Variants in CSMD2 observed in about 807,000 individuals in gnomAD.
The protein encoded by CSMD2 is CUB and Sushi multiple domains 2.
In CSMD2, 130 loss-of-function variants were observed where a neutral mutation model predicts 398.5. That is an observed-to-expected ratio of 0.33 (90% CI 0.28 to 0.38). The LOEUF is 0.38. CSMD2 is among the 10% of genes least tolerant of loss of function. The pLI is 1.00. For synonymous variants in CSMD2, 1,828 were observed against 1,908.5 expected, an observed-to-expected ratio of 0.96 and a Z score of 1.10; for missense variants, 3,829 against 4,764.9, an observed-to-expected ratio of 0.80 and a Z score of 5.78.
rs569912845 is a variant in CSMD2 at position 33,897,629 on chromosome 1, C to T, written c.920+20465G>A. On this transcript the variant is annotated intron_variant, in intron 5 of 70. Coordinates refer to ENST00000373381, the MANE Select transcript of CSMD2 (RefSeq NM_001281956.2). ...CGTGGGGAGCAACTGAGGACACAGCCGGGTGACAACAGAGCCAGGAGTCTC... is the reference window on the plus strand; with the variant it reads ...CGTGGGGAGCAACTGAGGACACAGCTGGGTGACAACAGAGCCAGGAGTCTC... 1.7e-4 allele frequency among the ~76,000 whole-genome samples: 26 copies of T among 152,274 alleles called. No individual in the cohort carries two copies. The South Asian group carries it at 4.8e-3, about 28-fold the overall frequency.
At chr1:33,770,234 A>G (rs1027318068) in intron 13 of CSMD2, among the ~76,000 whole-genome samples, 1 of 152,256 alleles carries the variant, frequency 6.6e-6, no homozygotes, top group Non-Finnish European at 1.5e-5. Flanking sequence ...CCTATTGGAT[A>G]GGTCAGTACA....
intron 10 of CSMD2, chr1:33,804,899 C>A (rs766825738): frequency 8.4e-6 from 6 of 717,326 alleles, no homozygotes; most frequent in Non-Finnish European, 2.6e-6. Context: ...CTCCTCCCGC[C>A]TGGATCAGGA....
intron 28 of CSMD2, among the ~76,000 whole-genome samples, chr1:33,652,041 CCT>C (rs1643784117): frequency 6.6e-6 from 1 of 152,080 alleles, no homozygotes; most frequent in Non-Finnish European, 1.5e-5. Context: ...ACAAAGGCCT[CCT>C]TTCCAGGTCC....
chr1:33,918,682 T>G (rs541297901), intron 4 of CSMD2, among the ~76,000 whole-genome samples: 129 of 152,278 alleles, frequency 8.5e-4, no homozygotes, highest in African/African-American at 2.9e-3. Flanking sequence ...AGTAATGGCA[T>G]GTAGGAGAAG....
chr1:33,541,410 C>T (rs2148596230), intron 58 of CSMD2, 101 bp from the exon 59 acceptor site: 1 of 881,450 alleles, frequency 1.1e-6, no homozygotes, highest in South Asian at 1.5e-5. Flanking sequence ...AGAAGGGAAA[C>T]TGTCAGATCA....
chr1:33,944,439 G>C (rs777395053), intron 3 of CSMD2, among the ~76,000 whole-genome samples: 18 of 152,140 alleles, frequency 1.2e-4, no homozygotes, highest in Non-Finnish European at 2.2e-4. Context: ...TGGCCCTGGG[G>C]ACAGGTGGGC....
At chr1:33,691,023 A>T (rs1471044310) in intron 25 of CSMD2, among the ~76,000 whole-genome samples, 1 of 152,208 alleles carries the variant, frequency 6.6e-6, no homozygotes, top group African/African-American at 2.4e-5. Flanking sequence ...TGACATTTGC[A>T]CTTGACTTTG....
intron 1 of CSMD2, among the ~76,000 whole-genome samples, chr1:34,089,593 C>T (rs1281974072): frequency 6.6e-6 from 1 of 152,224 alleles, no homozygotes; most frequent in African/African-American, 2.4e-5. Context: ...AATTCCTCTC[C>T]CTCACTCTCC....
rs1341721603 is a variant in CSMD2, at chr1:33,533,316, T to C, written c.9992-87A>G. On this transcript the variant is annotated intron_variant, in intron 63 of 70. Coordinates refer to ENST00000373381, the MANE Select transcript of CSMD2 (RefSeq NM_001281956.2). The surrounding 1 kb of genome is among the most constrained non-coding windows in gnomAD (Gnocchi z 4.2). ...ACCATTCCCCTGTTCCTAGATAGAA[T>C]ATCCTCTTCCTTTCCCTTCCAGTCC... is the stretch of plus-strand genomic sequence containing the variant. 1.7e-6 allele frequency: 2 copies of C among 1,188,122 alleles called. No homozygotes were observed. Among genetic ancestry groups the C allele is most frequent in the East Asian group, 2.5e-5 (1 of 39,970 alleles). 73.6% of individuals were successfully genotyped at this position (1,188,122 alleles called of 1,614,324 possible). A position where few individuals can be genotyped will look rare whatever the true frequency, so the allele number is the denominator to read the frequency against.
intron 1 of CSMD2, among the ~76,000 whole-genome samples, chr1:34,147,789 G>A (rs114170932): frequency 0.029 from 4,479 of 152,250 alleles, 101 homozygotes; most frequent in African/African-American, 0.055. Flanking sequence ...ACGTCCCTGC[G>A]TAACACAGGG....
chr1:33,660,672 C>T (rs1644101056), intron 26 of CSMD2, among the ~76,000 whole-genome samples: 3 of 152,218 alleles, frequency 2.0e-5, no homozygotes, highest in Admixed American at 2.0e-4. Flanking sequence ...GGAGCCCAGG[C>T]TAGGTAGCTT....
At chr1:33,832,261 A>C (rs1335208325) in intron 6 of CSMD2, among the ~76,000 whole-genome samples, 1 of 152,086 alleles carries the variant, frequency 6.6e-6, no homozygotes, top group Non-Finnish European at 1.5e-5. Flanking sequence ...CATAGTTGGA[A>C]GTAAAGCACT....
intron 62 of CSMD2, among the ~76,000 whole-genome samples, chr1:33,536,406 G>A (rs1655789558): frequency 6.6e-6 from 1 of 152,170 alleles, no homozygotes; most frequent in South Asian, 2.1e-4. Context: ...TGTATTTTTA[G>A]TAGAGACGGG....
intron 1 of CSMD2, among the ~76,000 whole-genome samples, chr1:34,125,896 G>C (rs895491783): frequency 2.0e-5 from 3 of 152,290 alleles, no homozygotes; most frequent in Admixed American, 6.5e-5. Flanking sequence ...GGGCTTTTGA[G>C]GGGGAGATCT....
chr1:34,057,433 G>T (rs1251066855), intron 2 of CSMD2, among the ~76,000 whole-genome samples: 1 of 152,098 alleles, frequency 6.6e-6, no homozygotes, highest in Admixed American at 6.6e-5. Context: ...TTTAGAGTGG[G>T]AGGCTCCTGG....
intron 7 of CSMD2, among the ~76,000 whole-genome samples, chr1:33,822,493 G>A (rs925090152): frequency 1.3e-5 from 2 of 152,150 alleles, no homozygotes; most frequent in African/African-American, 4.8e-5. Context: ...GCCAGACACA[G>A]GTATCCTCTT....
At chr1:34,159,846 G>T (rs948389362) in intron 1 of CSMD2, among the ~76,000 whole-genome samples, 3 of 152,310 alleles carry the variant, frequency 2.0e-5, no homozygotes, top group Admixed American at 6.5e-5. Context: ...CTTCCTGGCT[G>T]ATTCCTTTGG....
At chr1:33,783,839 T>A (rs1372353642) in intron 12 of CSMD2, among the ~76,000 whole-genome samples, 1 of 152,198 alleles carries the variant, frequency 6.6e-6, no homozygotes, top group Non-Finnish European at 1.5e-5. Context: ...TTGTTGCAAA[T>A]GTAAACCACC....
At position 33,602,625 on chromosome 1, in the gene CSMD2, C is replaced by T. The variant is rs567910638; in HGVS notation, c.6533-79G>A. 26 of 1,246,730 alleles carry T rather than the reference C, an allele frequency of 2.1e-5. No individual in the cohort carries two copies. The East Asian group carries it at 6.6e-4, about 32-fold the overall frequency. The allele number at this position is 1,246,730 out of a possible 1,614,324, so 77.2% of individuals were successfully genotyped here. On this transcript the variant is annotated intron_variant, in intron 42 of 70. Transcript: ENST00000373381. ...ATTCAGATGCCTTCCTGAGGAAATC[C>T]CAGCTCCCAGAACTAATCATCCTGT...
Sources: allele counts gnomAD v4.1 joint callset (sites outside exome capture counted in the v4.1 genomes callset), GRCh38; gene constraint gnomAD v4.1.1; non-coding constraint Gnocchi (gnomAD v3.1); transcripts MANE v1.5; gene names NCBI Gene and HGNC (gene_info 2026-07-23, HGNC 2026-07-21).